The following DPP6 variants were observed in gnomAD, a reference collection of about 807,000 sequenced individuals.
The protein encoded by DPP6 is dipeptidyl peptidase like 6, also known as A-type potassium channel modulatory protein DPP6.
In DPP6, 69 loss-of-function variants were observed where a neutral mutation model predicts 122.6. That is an observed-to-expected ratio of 0.56 (90% confidence interval 0.46 to 0.69). The LOEUF (loss-of-function observed/expected upper bound fraction) is 0.69. Ranked by LOEUF, DPP6 falls within the 30% of genes least tolerant of loss-of-function variation. The pLI is 0.00. For synonymous variants in DPP6, 418 were observed against 433.1 expected (o/e 0.97, Z 0.43); for missense variants, 928 against 1,116.9 (o/e 0.83, Z 2.41).
intron 3 of DPP6, among the ~76,000 whole-genome samples, chr7:154,501,794 C>T (rs954516175): frequency 3.3e-5 from 5 of 152,082 alleles, no homozygotes; most frequent in African/African-American, 4.8e-5. Context: ...CACTGCCTAG[C>T]GGAGCTATAA....
intron 8 of DPP6, among the ~76,000 whole-genome samples, chr7:154,730,237 A>G (rs1387872509): frequency 6.6e-6 from 1 of 152,160 alleles, no homozygotes; most frequent in Non-Finnish European, 1.5e-5. Context: ...TCAGCTCAAT[A>G]TCTGGATAGG....
At chr7:153,996,158 A>G (rs1797422768) in intron 1 of DPP6, among the ~76,000 whole-genome samples, 1 of 152,154 alleles carries the variant, frequency 6.6e-6, no homozygotes, top group African/African-American at 2.4e-5. Flanking sequence ...GTTTCAAGAG[A>G]CACTCCACTG....
intron 6 of DPP6, among the ~76,000 whole-genome samples, chr7:154,639,102 C>G (rs943590345): frequency 6.6e-6 from 1 of 152,184 alleles, no homozygotes; most frequent in African/African-American, 2.4e-5. Flanking sequence ...GCGTTTATAG[C>G]TGCTGCTCTC....
At chr7:153,824,601 T>C in the DPP6 span, among the ~76,000 whole-genome samples, 1 of 151,744 alleles carries the variant, frequency 6.6e-6, no homozygotes. Flanking sequence ...GGAAAATAGC[T>C]TGAACCTGGG....
chr7:154,137,658 T>TGGGGGGGGGGG (rs1163077821), intron 1 of DPP6, among the ~76,000 whole-genome samples: 8 of 48,408 alleles, frequency 1.7e-4, no homozygotes, highest in East Asian at 8.6e-4. Flanking sequence ...GGTGGGGGGG[T>TGGGGGGGGGGG]GGGGGGGGTG....
chr7:154,651,686 C>T (rs1836885431), intron 6 of DPP6, among the ~76,000 whole-genome samples: 1 of 152,160 alleles, frequency 6.6e-6, no homozygotes. Context: ...GGCAACATTA[C>T]TCATTCTCAG....
chr7:154,326,759 T>C (rs1171558616), intron 1 of DPP6, among the ~76,000 whole-genome samples: 1 of 152,254 alleles, frequency 6.6e-6, no homozygotes, highest in African/African-American at 2.4e-5. Context: ...GAGAGCTAGC[T>C]GTTCAATGCT....
At chr7:154,628,660 A>T (rs190548601) in intron 5 of DPP6, among the ~76,000 whole-genome samples, 8 of 152,100 alleles carry the variant, frequency 5.3e-5, no homozygotes, top group Admixed American at 4.6e-4. Flanking sequence ...TATTTTAACT[A>T]TCCAAAGAAG....
intron 6 of DPP6, among the ~76,000 whole-genome samples, chr7:154,663,142 C>T (rs1317178865): frequency 7.2e-5 from 4 of 55,488 alleles, no homozygotes; most frequent in Non-Finnish European, 9.1e-5. Context: ...AGTGTTCACG[C>T]AGTCATGGTG....
At chr7:154,669,333 G>C (rs1838399515) in intron 6 of DPP6, 27 bp from the exon 7 acceptor site, 3 of 1,551,816 alleles carry the variant, frequency 1.9e-6, no homozygotes, top group Non-Finnish European at 2.6e-6. Flanking sequence ...ATTTTGCTTT[G>C]TTTTTGTTTG....
At chr7:154,565,415 G>A (rs555678981) in intron 4 of DPP6, among the ~76,000 whole-genome samples, 5 of 152,272 alleles carry the variant, frequency 3.3e-5, no homozygotes, top group South Asian at 2.1e-4. Flanking sequence ...GTGATATTAC[G>A]AGCCCTTTAA....
intron 3 of DPP6, among the ~76,000 whole-genome samples, chr7:154,539,787 TA>T (rs56012436): frequency 0.18 from 27,374 of 151,692 alleles, 2,913 homozygotes; most frequent in Non-Finnish European, 0.24. Flanking sequence ...TTTTTTAAAT[TA>T]AAAAAAATTA....
chr7:154,740,798 C>T (rs543308682), intron 8 of DPP6, among the ~76,000 whole-genome samples: 4 of 152,102 alleles, frequency 2.6e-5, no homozygotes, highest in African/African-American at 9.7e-5. Flanking sequence ...TTCGTCACCC[C>T]CACACACAGG....
intron 5 of DPP6, among the ~76,000 whole-genome samples, chr7:154,575,302 GGTGTATGTGTGTGGTGT>G (rs1831507783): frequency 1.0e-5 from 1 of 97,696 alleles, no homozygotes; most frequent in Non-Finnish European, 2.1e-5. Context: ...GTGTGTGGGG[GGTGTATGTGTGTGGTGT>G]GTGTATGTGT....
chr7:154,730,695 T>A (rs1008643520), intron 8 of DPP6, among the ~76,000 whole-genome samples: 2 of 151,984 alleles, frequency 1.3e-5, no homozygotes, highest in African/African-American at 4.8e-5. Flanking sequence ...TCAAGAGAGA[T>A]CAGTGCAAAT....
intron 6 of DPP6, among the ~76,000 whole-genome samples, chr7:154,645,864 T>TAAA (rs1316590789): frequency 1.3e-5 from 2 of 151,408 alleles, no homozygotes; most frequent in Non-Finnish European, 2.9e-5. Context: ...CTGTCTCTAC[T>TAAA]AAAAATACAA....
At chr7:154,665,557 C>G (rs1194917844) in intron 6 of DPP6, among the ~76,000 whole-genome samples, 2 of 152,068 alleles carry the variant, frequency 1.3e-5, no homozygotes, top group Non-Finnish European at 2.9e-5. Flanking sequence ...TTTCCCTGCC[C>G]CAGCCCAGAT....
intron 1 of DPP6, among the ~76,000 whole-genome samples, chr7:154,277,284 A>T (rs1024531825): frequency 6.6e-6 from 1 of 152,152 alleles, no homozygotes; most frequent in Non-Finnish European, 1.5e-5. Flanking sequence ...AATAATAAGG[A>T]TCACCTCTGT....
Position 154,540,578 on chromosome 7 carries a change from G to T in DPP6, c.504G>T (p.Trp168Cys). 6.2e-7 allele frequency: 1 copy of T among 1,607,338 alleles called. No individual in the cohort carries two copies. Among genetic ancestry groups the T allele is most frequent in the Non-Finnish European group, 8.5e-7 (1 of 1,177,202 alleles). ...YREQKGTVRL[W>C]NVETNTSTVL... ...AACAGAAAGGAACAGTGAGACTGTG[G>T]AATGTTGAAACAAATACTTCTACTG... Residue 168 changes from tryptophan to cysteine, a missense_variant, in exon 4 of 26, where the codon TGG (tryptophan) becomes TGT (cysteine). Physicochemically the swap from Trp to Cys is radical, Grantham distance 215 (BLOSUM62 -2). Coordinates refer to ENST00000377770, the MANE Select transcript of DPP6 (RefSeq NM_130797.4).
Sources: allele counts gnomAD v4.1 joint callset (sites outside exome capture counted in the v4.1 genomes callset), GRCh38; gene constraint gnomAD v4.1.1; transcripts MANE v1.5; gene names NCBI Gene and HGNC (gene_info 2026-07-23, HGNC 2026-07-21).